Variants in MAGI2 observed in about 807,000 individuals in gnomAD.
MAGI2 encodes the protein membrane-associated guanylate kinase, WW and PDZ domain-containing protein 2.
A neutral mutation model predicts 133.3 loss-of-function variants in MAGI2; 35 were observed. That is an observed-to-expected ratio of 0.26 (90% CI 0.20 to 0.35). The LOEUF (loss-of-function observed/expected upper bound fraction) is 0.35. Ranked by LOEUF, MAGI2 falls within the 10% of genes least tolerant of loss-of-function variation. The pLI, the probability that MAGI2 is intolerant of heterozygous loss-of-function variation, is 1.00. For missense variants in MAGI2, 1,636 were observed against 1,863.4 expected, an observed-to-expected ratio of 0.88 and a Z score of 2.25; for synonymous variants, 729 against 710.6, an observed-to-expected ratio of 1.03 and a Z score of -0.41.
chr7:78,423,814 A>G (rs1349742322), intron 6 of MAGI2, among the ~76,000 whole-genome samples: 1 of 152,146 alleles, frequency 6.6e-6, no homozygotes, highest in Non-Finnish European at 1.5e-5. Context: ...GAGATGATTT[A>G]GGATATCTGG....
intron 2 of MAGI2, among the ~76,000 whole-genome samples, chr7:78,720,088 A>G (rs1820118875): frequency 6.6e-6 from 1 of 152,162 alleles, no homozygotes. Context: ...AGATAAGATT[A>G]CCTAAAATGC....
intron 2 of MAGI2, among the ~76,000 whole-genome samples, chr7:78,712,473 C>T (rs774222401): frequency 1.3e-4 from 20 of 152,142 alleles, no homozygotes; most frequent in Admixed American, 9.2e-4. Context: ...CACAAGAAGG[C>T]GTTGATTCCC....
intron 2 of MAGI2, among the ~76,000 whole-genome samples, chr7:78,832,816 C>A (rs142691247): frequency 3.9e-4 from 59 of 152,284 alleles, no homozygotes; most frequent in African/African-American, 1.2e-3. Context: ...CTTCCCCCTG[C>A]AGAGAGCCTA....
intron 6 of MAGI2, among the ~76,000 whole-genome samples, chr7:78,380,568 T>C (rs1049160859): frequency 3.3e-5 from 5 of 151,828 alleles, no homozygotes; most frequent in Non-Finnish European, 5.9e-5. Context: ...CATGAATATA[T>C]AGAGTAGAAT....
In MAGI2 at chr7:78,456,929, A is replaced by C. The variant is rs1280201530; in HGVS notation, c.1045+32832T>G. On this transcript the variant is annotated intron_variant, in intron 6 of 21. Coordinates refer to ENST00000354212, the MANE Select transcript of MAGI2 (RefSeq NM_012301.4). ...GATGGTTTACCTTTTCCTACAGGGAACATCAACCAATGTAAGCGTGAACAC... is the reference window on the plus strand; with the variant it reads ...GATGGTTTACCTTTTCCTACAGGGACCATCAACCAATGTAAGCGTGAACAC... 3 of 152,226 alleles carry C rather than the reference A, an allele frequency of 2.0e-5. No homozygotes were observed. In the East Asian group the frequency reaches 5.8e-4, roughly 29 times the overall value. 9.4% of individuals were successfully genotyped at this position (152,226 alleles called of 1,614,324 possible).
chr7:78,733,431 G>C (rs894180265), intron 2 of MAGI2, among the ~76,000 whole-genome samples: 2 of 152,144 alleles, frequency 1.3e-5, no homozygotes, highest in African/African-American at 4.8e-5. Flanking sequence ...ATTTACAATT[G>C]TGTGGACACA....
intron 6 of MAGI2, among the ~76,000 whole-genome samples, chr7:78,478,481 C>T (rs1978323): frequency 0.36 from 53,927 of 151,680 alleles, 10,242 homozygotes; most frequent in African/African-American, 0.48. Flanking sequence ...AAATAATTAT[C>T]TGAAAAATGG....
intron 1 of MAGI2, among the ~76,000 whole-genome samples, chr7:79,229,682 C>T (rs1053027792): frequency 6.6e-6 from 1 of 152,128 alleles, no homozygotes; most frequent in African/African-American, 2.4e-5. Context: ...ACAGAGATAA[C>T]AGAATTCTAA....
rs185816597 is a variant in MAGI2, at chr7:78,514,560, C to T, written c.754+6870G>A. Among the ~76,000 whole-genome samples, 69 of 152,222 alleles carry T rather than the reference C, an allele frequency of 4.5e-4. 1 individual carries two copies. In the South Asian group the frequency reaches 0.013, roughly 29 times the overall value. On this transcript the variant is annotated intron_variant, in intron 4 of 21. Transcript: ENST00000354212. ...GATCATAAAATTAAGCCCTTCTCACCCCGCTCAAAAAAGATAAATATCTGG... is the reference window on the plus strand; with the variant it reads ...GATCATAAAATTAAGCCCTTCTCACTCCGCTCAAAAAAGATAAATATCTGG...
chr7:79,074,003 A>G (rs1006070692), intron 1 of MAGI2, among the ~76,000 whole-genome samples: 2 of 152,308 alleles, frequency 1.3e-5, no homozygotes, highest in Admixed American at 6.5e-5. Flanking sequence ...TGCTCCTACA[A>G]TAATGACAAT....
At chr7:78,135,654 T>C (rs186979031) in intron 16 of MAGI2, among the ~76,000 whole-genome samples, 9 of 152,310 alleles carry the variant, frequency 5.9e-5, no homozygotes, top group Admixed American at 2.6e-4. Flanking sequence ...TAATCAATAA[T>C]TTAAGAAAGC....
chr7:78,485,548 G>A (rs767120996), intron 6 of MAGI2: 1 of 151,940 alleles, frequency 6.6e-6, no homozygotes, highest in Non-Finnish European at 1.5e-5. Flanking sequence ...TAATACCAAT[G>A]AGAAAACTTT....
At chr7:79,324,656 TA>T in intron 1 of MAGI2, among the ~76,000 whole-genome samples, 1 of 1,298 alleles carries the variant, frequency 7.7e-4, no homozygotes, top group Non-Finnish European at 0.014. Flanking sequence ...ATATATATAT[TA>T]TATATATATA....
intron 3 of MAGI2, among the ~76,000 whole-genome samples, chr7:78,591,618 G>T (rs937879223): frequency 6.6e-6 from 1 of 152,212 alleles, no homozygotes; most frequent in Non-Finnish European, 1.5e-5. Context: ...AATTAGGAAG[G>T]TAGTCTCTGA....
intron 9 of MAGI2, among the ~76,000 whole-genome samples, chr7:78,295,968 C>G (rs965479656): frequency 6.6e-6 from 1 of 152,114 alleles, no homozygotes; most frequent in Non-Finnish European, 1.5e-5. Context: ...CCAGCCAATC[C>G]TGTCATGGCT....
At chr7:78,899,999 T>G (rs1243683648) in intron 2 of MAGI2, among the ~76,000 whole-genome samples, 4 of 152,168 alleles carry the variant, frequency 2.6e-5, no homozygotes, top group Non-Finnish European at 1.5e-5. Flanking sequence ...CTCCTAAAAG[T>G]GGATGCATTC....
intron 6 of MAGI2, among the ~76,000 whole-genome samples, chr7:78,472,008 C>T (rs1433380587): frequency 6.6e-6 from 1 of 152,028 alleles, no homozygotes; most frequent in East Asian, 1.9e-4. Flanking sequence ...AATGGCAAAA[C>T]CAGGATCTGA....
intron 3 of MAGI2, among the ~76,000 whole-genome samples, chr7:78,536,168 A>C (rs1409884973): frequency 8.9e-6 from 1 of 111,944 alleles, no homozygotes; most frequent in African/African-American, 3.6e-5. Context: ...GCTGGAGTGC[A>C]GTGGCGGGAT....
chr7:79,163,066 C>A (rs1156255735), intron 1 of MAGI2, among the ~76,000 whole-genome samples: 1 of 151,978 alleles, frequency 6.6e-6, no homozygotes, highest in East Asian at 1.9e-4. Flanking sequence ...TATATGACTT[C>A]TCCTGTGACA....
Sources: allele counts gnomAD v4.1 joint callset (sites outside exome capture counted in the v4.1 genomes callset), GRCh38; gene constraint gnomAD v4.1.1; transcripts MANE v1.5; gene names NCBI Gene and HGNC (gene_info 2026-07-23, HGNC 2026-07-21).